TTC7A: variants seen among roughly 807,000 people sequenced by gnomAD.
TTC7A encodes tetratricopeptide repeat protein 7A.
In TTC7A, 110 loss-of-function variants were observed where a neutral mutation model predicts 103.7. The ratio of observed to expected loss-of-function variants is 1.06; its 90% CI spans 0.91 to 1.24. TTC7A has a LOEUF of 1.24. Ranked by LOEUF, TTC7A falls within the 50% of genes most tolerant of loss-of-function variation. The pLI, the probability that TTC7A is intolerant of heterozygous loss-of-function variation, is 0.00. For synonymous variants in TTC7A, 521 were observed against 467.9 expected, an observed-to-expected ratio of 1.11 and a Z score of -1.47; for missense variants, 1,340 against 1,116.3, an observed-to-expected ratio of 1.20 and a Z score of -2.86.
At chr2:46,936,383 C>G (rs1669980741), upstream of TTC7A, among the ~76,000 whole-genome samples, 1 of 152,134 alleles carries the variant, frequency 6.6e-6, no homozygotes, top group Admixed American at 6.5e-5. Flanking sequence ...CTGATCAAAA[C>G]TTTATGAGAA....
At chr2:47,005,666 A>G (rs1249427968) in intron 8 of TTC7A, among the ~76,000 whole-genome samples, 4 of 152,190 alleles carry the variant, frequency 2.6e-5, no homozygotes, top group African/African-American at 9.7e-5. Flanking sequence ...GTAGAATAAC[A>G]AATTGAATAC....
chr2:47,035,113 C>T (rs974660033), intron 15 of TTC7A, among the ~76,000 whole-genome samples: 2 of 152,250 alleles, frequency 1.3e-5, no homozygotes, highest in Admixed American at 6.5e-5. Flanking sequence ...GTATATTTCT[C>T]GTGGTATATT....
intron 15 of TTC7A, among the ~76,000 whole-genome samples, chr2:47,044,383 T>C (rs190927937): frequency 4.6e-5 from 7 of 152,322 alleles, no homozygotes; most frequent in East Asian, 1.9e-4. Context: ...CTGATACTTA[T>C]GGAGTGTTGG....
intron 9 of TTC7A, 107 bp downstream of exon 9, chr2:47,006,166 C>T: frequency 1.4e-6 from 2 of 1,455,574 alleles, no homozygotes; most frequent in Non-Finnish European, 1.9e-6. Context: ...CCCTGCCAGG[C>T]TGCTCTGCCG....
chr2:47,052,833 C>T (rs974863278), intron 18 of TTC7A, among the ~76,000 whole-genome samples: 2 of 152,160 alleles, frequency 1.3e-5, no homozygotes, highest in Non-Finnish European at 2.9e-5. Flanking sequence ...TGCATTTTCT[C>T]TGATTACCCT....
rs760148103 is a variant in TTC7A at position 46,978,856 on chromosome 2, A to G, written c.713A>G (p.Tyr238Cys). Reference sequence around the variant, plus strand: ...CACCCGCTTGACTATGAGCTCACCTACTTCCTGGAAGCTGCCCTCCAGAGC... The same window carrying G: ...CACCCGCTTGACTATGAGCTCACCTGCTTCCTGGAAGCTGCCCTCCAGAGC... ...GCHPLDYELT[Y>C]FLEAALQSAY... The change falls in exon 5 of 20, where the codon TAC becomes TGC. Residue 238 changes from tyrosine (Y) to cysteine (C), a missense_variant. Transcript: ENST00000319190. The G allele has an allele frequency of 1.2e-6, 2 of 1,614,030 alleles. No individual in the cohort carries two copies. Among genetic ancestry groups the G allele is most frequent in the Admixed American group, 1.7e-5 (1 of 60,008 alleles).
chr2:47,016,673 C>A (rs924254776), intron 11 of TTC7A, among the ~76,000 whole-genome samples: 29 of 152,246 alleles, frequency 1.9e-4, no homozygotes, highest in African/African-American at 5.5e-4. Context: ...GGTGCTGTAA[C>A]CTGAGCTTGC....
chr2:46,952,641 A>T (rs1171544324), intron 2 of TTC7A, among the ~76,000 whole-genome samples: 1 of 152,158 alleles, frequency 6.6e-6, no homozygotes, highest in Non-Finnish European at 1.5e-5. Context: ...GGTCCCAGCT[A>T]CCCAAGAAGC....
chr2:46,976,867 G>A (rs1442365956), intron 4 of TTC7A, among the ~76,000 whole-genome samples: 1 of 152,180 alleles, frequency 6.6e-6, no homozygotes, highest in Non-Finnish European at 1.5e-5. Flanking sequence ...TTGGACTTTA[G>A]GAGGAAAGGA....
At chr2:47,040,163 A>AAAGAGGGGGC (rs1398787452) in intron 15 of TTC7A, among the ~76,000 whole-genome samples, 2 of 152,144 alleles carry the variant, frequency 1.3e-5, no homozygotes, top group Admixed American at 6.5e-5. Flanking sequence ...ATAAGCACAT[A>AAAGAGGGGGC]AAGAGGGGGC....
intron 2 of TTC7A, among the ~76,000 whole-genome samples, chr2:46,926,160 C>T (rs1361333603): frequency 6.6e-6 from 1 of 152,186 alleles, no homozygotes; most frequent in Non-Finnish European, 1.5e-5. Context: ...GAATCTCCTC[C>T]CACACAGAGC....
chr2:47,048,753 C>T (rs1338123503), intron 16 of TTC7A, among the ~76,000 whole-genome samples: 1 of 152,170 alleles, frequency 6.6e-6, no homozygotes, highest in Non-Finnish European at 1.5e-5. Flanking sequence ...CAGGCACCCA[C>T]GACCATGTCT....
At chr2:47,052,027 G>A (rs1682902349) in intron 18 of TTC7A, 147 bp downstream of exon 18, 2 of 1,077,060 alleles carry the variant, frequency 1.9e-6, no homozygotes, top group African/African-American at 1.6e-5. Context: ...CTGGCTGTGG[G>A]TCTCCTTCTC....
At chr2:46,948,041 C>T (rs1011818982) in intron 1 of TTC7A, among the ~76,000 whole-genome samples, 1 of 152,220 alleles carries the variant, frequency 6.6e-6, no homozygotes, top group Non-Finnish European at 1.5e-5. Context: ...CTCAACCAAG[C>T]GAGGAGCTCT....
chr2:47,003,093 T>A (rs961432844), intron 8 of TTC7A, among the ~76,000 whole-genome samples: 1 of 152,162 alleles, frequency 6.6e-6, no homozygotes, highest in Non-Finnish European at 1.5e-5. Flanking sequence ...CAGACACAAA[T>A]TCAGACACTG....
chr2:47,062,900 C>A (rs921939084), intron 19 of TTC7A, among the ~76,000 whole-genome samples: 7 of 152,246 alleles, frequency 4.6e-5, no homozygotes, highest in Non-Finnish European at 1.0e-4. Context: ...AGAGCCAGGC[C>A]TGCCCTCTTT....
intron 16 of TTC7A, among the ~76,000 whole-genome samples, chr2:47,048,079 C>G (rs867766161): frequency 6.6e-6 from 1 of 152,188 alleles, no homozygotes; most frequent in Non-Finnish European, 1.5e-5. Flanking sequence ...TTCCTCTGCT[C>G]TGCCTGGGCC....
chr2:47,075,513 GTGACT>G lies in TTC7A; in HGVS notation c.*1592_*1596del, dbSNP rs1685149560. 6.6e-6 allele frequency: 1 copy of G among 152,226 alleles called. No homozygotes were observed. The highest frequency in any genetic ancestry group is 1.9e-4 in the East Asian group (1 of 5,200). The allele number at this position is 152,226 out of a possible 1,614,324, so 9.4% of individuals were successfully genotyped here. A position where few individuals can be genotyped will look rare whatever the true frequency, so the allele number is the denominator to read the frequency against. On this transcript the variant is annotated 3_prime_UTR_variant, in exon 20 of 20. Coordinates refer to ENST00000319190, the MANE Select transcript of TTC7A (RefSeq NM_020458.4). ...AGAGGGCCAGGCCAAGTTGCTGACA[GTGACT>G]TTGCAGGTTGAATAAAGAAACCCTT...
At chr2:47,026,284 C>G (rs1368108694) in intron 14 of TTC7A, among the ~76,000 whole-genome samples, 1 of 152,212 alleles carries the variant, frequency 6.6e-6, no homozygotes, top group African/African-American at 2.4e-5. Context: ...CAGGTCTGCT[C>G]TAGCAGAGTC....
Sources: allele counts gnomAD v4.1 joint callset (sites outside exome capture counted in the v4.1 genomes callset), GRCh38; gene constraint gnomAD v4.1.1; transcripts MANE v1.5; gene names NCBI Gene and HGNC (gene_info 2026-07-23, HGNC 2026-07-21).